The following FERMT2 variants were observed in gnomAD, a reference collection of about 807,000 sequenced individuals.
FERMT2 encodes the protein FERM domain containing kindlin 2.
FERMT2 carries 15 observed loss-of-function variants against 82.7 expected under a neutral mutation model. That is an observed-to-expected ratio of 0.18 (90% confidence interval 0.12 to 0.28). The LOEUF is 0.28. Ranked by LOEUF, FERMT2 falls within the 10% of genes least tolerant of loss-of-function variation. The probability of loss-of-function intolerance (pLI) is 1.00; values close to 1 mark genes in which losing one functional copy is unlikely to be tolerated. For synonymous variants in FERMT2, 274 were observed against 271.5 expected, an observed-to-expected ratio of 1.01 and a Z score of -0.09; for missense variants, 645 against 809.4, an observed-to-expected ratio of 0.80 and a Z score of 2.46.
chr14:52,860,052 C>T (rs369604411), intron 13 of FERMT2: 16 of 305,552 alleles, frequency 5.2e-5, no homozygotes, highest in African/African-American at 1.5e-4. Flanking sequence ...CTCCTGACCT[C>T]GTGATCCACC....
chr14:52,950,560 C>T lies in FERMT2; in HGVS notation c.9G>A (p.Leu3=), dbSNP rs750876277. 2 of 1,613,548 alleles carry T rather than the reference C, an allele frequency of 1.2e-6. No individual in the cohort carries two copies. Among genetic ancestry groups the T allele is most frequent in the African/African-American group, 1.3e-5 (1 of 74,900 alleles). Residue 3 remains leucine (L), a synonymous_variant, in exon 2 of 15, where the codon CTG becomes CTA. Transcript: ENST00000341590. MA[L]DGIRMPDGCY... is the part of the protein sequence containing the mutation. ...AGCCATCTGGCATCCTTATCCCGTCCAGAGCCATGGCTCCTTCCTGCGAGC... is the reference window on the plus strand; with the variant it reads ...AGCCATCTGGCATCCTTATCCCGTCTAGAGCCATGGCTCCTTCCTGCGAGC...
At chr14:52,920,020 G>A (rs767496549) in intron 2 of FERMT2, among the ~76,000 whole-genome samples, 2 of 152,148 alleles carry the variant, frequency 1.3e-5, no homozygotes, top group African/African-American at 2.4e-5. Context: ...GCACGTTTTG[G>A]TACAAGTATA....
At chr14:52,896,682 C>G (rs1292414710) in intron 3 of FERMT2, among the ~76,000 whole-genome samples, 2 of 152,098 alleles carry the variant, frequency 1.3e-5, no homozygotes, top group African/African-American at 2.4e-5. Context: ...TGTTTTTCCT[C>G]TAATTATAAA....
At chr14:52,949,435 C>G (rs1325294489) in intron 2 of FERMT2, among the ~76,000 whole-genome samples, 1 of 150,248 alleles carries the variant, frequency 6.7e-6, no homozygotes, top group African/African-American at 2.4e-5. Flanking sequence ...CCCCAACCCC[C>G]CTTCACCAAA....
intron 3 of FERMT2, among the ~76,000 whole-genome samples, chr14:52,905,271 C>A (rs887340834): frequency 4.6e-5 from 7 of 151,354 alleles, no homozygotes; most frequent in Non-Finnish European, 1.0e-4. Context: ...ACAGTATAAG[C>A]ACATATTTAG....
At chr14:52,879,374 T>C (rs1213866648) in intron 6 of FERMT2, among the ~76,000 whole-genome samples, 1 of 152,176 alleles carries the variant, frequency 6.6e-6, no homozygotes, top group African/African-American at 2.4e-5. Context: ...TTATAGATGA[T>C]GGAATATTCC....
chr14:52,907,421 C>T (rs1161021984), intron 3 of FERMT2, among the ~76,000 whole-genome samples: 1 of 152,106 alleles, frequency 6.6e-6, no homozygotes, highest in Non-Finnish European at 1.5e-5. Context: ...AAGGAGACTA[C>T]ATGGAAAGGA....
chr14:52,894,215 TAA>T lies in FERMT2; in HGVS notation c.392-790_392-789del, dbSNP rs1458800126. Among the ~76,000 whole-genome samples, 5 of 152,294 alleles carry T rather than the reference TAA, an allele frequency of 3.3e-5. No individual in the cohort carries two copies. In the East Asian group the frequency reaches 9.7e-4, roughly 29 times the overall value. ...ATCTATTTTCATTTGAGGAGTCTGA[TAA>T]CAAGGAAAATGGTTAAATGAAAATA... On this transcript the variant is annotated intron_variant, in intron 3 of 14. Transcript: ENST00000341590.
intron 2 of FERMT2, among the ~76,000 whole-genome samples, chr14:52,926,372 T>C (rs559090588): frequency 6.6e-6 from 1 of 151,764 alleles, no homozygotes; most frequent in Non-Finnish European, 1.5e-5. Context: ...ATTTCCAGAA[T>C]GGCAGGCTTG....
intron 6 of FERMT2, 58 bp downstream of exon 6, chr14:52,880,978 C>A: frequency 9.4e-7 from 1 of 1,062,130 alleles, no homozygotes; most frequent in South Asian, 1.5e-5. Context: ...AACAAACATC[C>A]ATGTGAACAA....
At chr14:52,935,312 C>T (rs1198053241) in intron 2 of FERMT2, among the ~76,000 whole-genome samples, 1 of 152,148 alleles carries the variant, frequency 6.6e-6, no homozygotes, top group Non-Finnish European at 1.5e-5. Context: ...AATTATTTTA[C>T]ATTAAGGCTC....
At chr14:52,923,673 G>C (rs1889092108) in intron 2 of FERMT2, among the ~76,000 whole-genome samples, 1 of 151,402 alleles carries the variant, frequency 6.6e-6, no homozygotes, top group Admixed American at 6.6e-5. Context: ...ATTACATACT[G>C]GACATCCTAT....
intron 3 of FERMT2, among the ~76,000 whole-genome samples, chr14:52,897,036 A>G (rs1025682149): frequency 6.7e-6 from 1 of 150,292 alleles, no homozygotes; most frequent in African/African-American, 2.4e-5. Context: ...ACACACACAC[A>G]CACACACACA....
chr14:52,941,302 G>A (rs953534636), intron 2 of FERMT2, among the ~76,000 whole-genome samples: 1 of 152,134 alleles, frequency 6.6e-6, no homozygotes, highest in African/African-American at 2.4e-5. Context: ...CGATGAGACG[G>A]TTACAAAGGA....
At chr14:52,926,429 C>T (rs1039350125) in intron 2 of FERMT2, among the ~76,000 whole-genome samples, 1 of 151,420 alleles carries the variant, frequency 6.6e-6, no homozygotes, top group African/African-American at 2.4e-5. Flanking sequence ...CACACACACA[C>T]ACACACACAC....
chr14:52,950,603 C>T (rs1566769112), intron 1 of FERMT2, 26 bp from the exon 2 acceptor site: 2 of 1,607,972 alleles, frequency 1.2e-6, no homozygotes, highest in East Asian at 2.2e-5. Context: ...AAATGGCTCT[C>T]GTAAGCGTCA....
chr14:52,878,444 TA>T, intron 7 of FERMT2, 137 bp downstream of exon 7: 1 of 613,504 alleles, frequency 1.6e-6, no homozygotes, highest in Non-Finnish European at 2.9e-6. Context: ...TTTGCTTTCC[TA>T]AGTGTCTACT....
At chr14:52,929,636 T>C (rs937174273) in intron 2 of FERMT2, among the ~76,000 whole-genome samples, 4 of 152,194 alleles carry the variant, frequency 2.6e-5, no homozygotes, top group Non-Finnish European at 5.9e-5. Context: ...TTGTACATGC[T>C]ACTCCACTCC....
chr14:52,924,157 C>T (rs1400422852), intron 2 of FERMT2, among the ~76,000 whole-genome samples: 1 of 152,090 alleles, frequency 6.6e-6, no homozygotes, highest in Non-Finnish European at 1.5e-5. Context: ...TGATGATGAA[C>T]AAAACAAAGT....
Sources: allele counts gnomAD v4.1 joint callset (sites outside exome capture counted in the v4.1 genomes callset), GRCh38; gene constraint gnomAD v4.1.1; transcripts MANE v1.5; gene names NCBI Gene and HGNC (gene_info 2026-07-23, HGNC 2026-07-21).